Variants in FARP1 observed in about 807,000 individuals in gnomAD.
The protein encoded by FARP1 is FERM, ARH/RhoGEF and pleckstrin domain protein 1, also known as FERM, ARHGEF and pleckstrin domain-containing protein 1.
A neutral mutation model predicts 128.8 loss-of-function variants in FARP1; 52 were observed. The ratio of observed to expected loss-of-function variants is 0.40; its 90% CI spans 0.32 to 0.51. The LOEUF is 0.51. Among genes scored for constraint, FARP1 ranks in the 20% least tolerant of loss-of-function variants. The pLI is 0.45. For synonymous variants in FARP1, 580 were observed against 551.8 expected (o/e 1.05, Z -0.72); for missense variants, 1,333 against 1,367.9 (o/e 0.97, Z 0.40).
At chr13:98,248,082 G>A (rs1211540490) in intron 2 of FARP1, among the ~76,000 whole-genome samples, 2 of 151,962 alleles carry the variant, frequency 1.3e-5, no homozygotes, top group African/African-American at 4.8e-5. Context: ...CGGGTACCTC[G>A]GACCTGTCTT....
intron 3 of FARP1, among the ~76,000 whole-genome samples, chr13:98,348,443 T>C (rs1041566279): frequency 3.3e-5 from 5 of 152,252 alleles, no homozygotes; most frequent in African/African-American, 1.2e-4. Flanking sequence ...AGCCATTAGA[T>C]GGCCATGGGG....
rs1208152251 is a variant in FARP1, at chr13:98,238,623, T to C, written c.171+25210T>C. Among the ~76,000 whole-genome samples, 20 of 152,138 alleles carry C rather than the reference T, an allele frequency of 1.3e-4. No individual in the cohort carries two copies. In the East Asian group the frequency reaches 3.1e-3, roughly 24 times the overall value. On this transcript the variant is annotated intron_variant, in intron 2 of 26. Coordinates refer to ENST00000319562, the MANE Select transcript of FARP1 (RefSeq NM_005766.4). Reference sequence around the variant, plus strand: ...AGAGAGTGTGCAGGGAAACTCCCCTTTATAAAACTATCTGATCTCCTGAGA... The same window carrying C: ...AGAGAGTGTGCAGGGAAACTCCCCTCTATAAAACTATCTGATCTCCTGAGA...
intron 5 of FARP1, among the ~76,000 whole-genome samples, chr13:98,373,533 G>GACAGACACACAC (rs1349451618): frequency 6.9e-4 from 91 of 131,066 alleles, no homozygotes; most frequent in African/African-American, 1.9e-3. Context: ...CAGACAGACA[G>GACAGACACACAC]ACACACACAC....
At chr13:98,224,526 C>CAAAA (rs1203238924) in intron 2 of FARP1, among the ~76,000 whole-genome samples, 2 of 50,250 alleles carry the variant, frequency 4.0e-5, no homozygotes, top group Admixed American at 2.3e-4. Flanking sequence ...GACTCTGTCT[C>CAAAA]AAAAAAAAAA....
intron 2 of FARP1, among the ~76,000 whole-genome samples, chr13:98,337,538 C>CGT (rs60625244): frequency 0.12 from 16,149 of 131,816 alleles, 951 homozygotes; most frequent in Non-Finnish European, 0.14. Flanking sequence ...TCTGTGTAGC[C>CGT]GTGTGTGTGT....
intron 2 of FARP1, among the ~76,000 whole-genome samples, chr13:98,247,856 C>T (rs1383855320): frequency 1.3e-5 from 2 of 152,184 alleles, no homozygotes; most frequent in Non-Finnish European, 2.9e-5. Flanking sequence ...GCCACCAAGC[C>T]ACGGATGTGG....
At chr13:98,251,430 C>A (rs548331152) in intron 2 of FARP1, among the ~76,000 whole-genome samples, 1 of 152,328 alleles carries the variant, frequency 6.6e-6, no homozygotes, top group East Asian at 1.9e-4. Context: ...CGCCTGTAAT[C>A]CCAGCACTTT....
At chr13:98,370,107 T>C (rs1296278191) in intron 5 of FARP1, among the ~76,000 whole-genome samples, 5 of 152,200 alleles carry the variant, frequency 3.3e-5, no homozygotes, top group African/African-American at 1.2e-4. Context: ...GAGGATGTGA[T>C]AGAGGTGCCT....
intron 2 of FARP1, among the ~76,000 whole-genome samples, chr13:98,339,388 AGCAAGGGGGAAATCT>A (rs1887870513): frequency 6.6e-6 from 1 of 152,214 alleles, no homozygotes; most frequent in Non-Finnish European, 1.5e-5. Context: ...TCAGGAGAAC[AGCAAGGGGGAAATCT>A]GCCCCCATGA....
At chr13:98,231,657 T>C (rs957253274) in intron 2 of FARP1, among the ~76,000 whole-genome samples, 3 of 152,128 alleles carry the variant, frequency 2.0e-5, no homozygotes, top group African/African-American at 7.2e-5. Context: ...CAGGCTGGTC[T>C]CAAACTCCTG....
At chr13:98,338,971 G>C (rs916636572) in intron 2 of FARP1, 1 of 152,122 alleles carries the variant, frequency 6.6e-6, no homozygotes, top group African/African-American at 2.4e-5. Context: ...CCTGGTGTGC[G>C]TTGACACACT....
rs374047508 is a variant in FARP1 at position 98,367,924 on chromosome 13, CTCTT to C, written c.320-190_320-187del. Among the ~76,000 whole-genome samples, 38 of 152,296 alleles carry C rather than the reference CTCTT, an allele frequency of 2.5e-4. No individual in the cohort carries two copies. The East Asian group carries it at 4.4e-3, about 18-fold the overall frequency. ...CACAGTATTTTTTAAAAATGGATCT[CTCTT>C]TCCCCACAATATGGAAGTGTGAATT... On this transcript the variant is annotated intron_variant, in intron 4 of 26. Coordinates refer to ENST00000319562, the MANE Select transcript of FARP1 (RefSeq NM_005766.4).
intron 2 of FARP1, among the ~76,000 whole-genome samples, chr13:98,264,836 A>G (rs1198949827): frequency 1.3e-5 from 2 of 152,210 alleles, no homozygotes; most frequent in African/African-American, 4.8e-5. Flanking sequence ...TAGAATTACT[A>G]TTCGATAGTA....
intron 16 of FARP1, among the ~76,000 whole-genome samples, chr13:98,416,623 G>A (rs1258760262): frequency 1.3e-5 from 2 of 152,224 alleles, no homozygotes; most frequent in African/African-American, 4.8e-5. Flanking sequence ...CCTTGTGAAA[G>A]CAAGAACAGT....
At position 98,309,153 on chromosome 13, in the gene FARP1, CTTTTTTTTTTT is replaced by C. The variant is rs56030081; in HGVS notation, c.172-34589_172-34579del. Reference sequence around the variant, plus strand: ...TATATTAATATTAATTTTAAGAGGCCTTTTTTTTTTTTTTTTTTTTTTTTTTTTTTGGAGAC... The same window carrying C: ...TATATTAATATTAATTTTAAGAGGCCTTTTTTTTTTTTTTTTTTTGGAGAC... On this transcript the variant is annotated intron_variant, in intron 2 of 26. Transcript: ENST00000319562. Among the ~76,000 whole-genome samples, 456 of 89,604 alleles carry C rather than the reference CTTTTTTTTTTT, an allele frequency of 5.1e-3. 7 individuals are homozygous for C. The highest frequency in any genetic ancestry group is 0.018 in the African/African-American group (416 of 22,748). 58.8% of individuals were successfully genotyped at this position (89,604 alleles called of 152,430 possible).
chr13:98,343,650 G>A, intron 2 of FARP1, 112 bp from the exon 3 acceptor site: 1 of 757,120 alleles, frequency 1.3e-6, no homozygotes, highest in Non-Finnish European at 2.3e-6. Context: ...GCGGTGGCAA[G>A]CTCTGAAGGA....
intron 1 of FARP1, among the ~76,000 whole-genome samples, chr13:98,156,337 A>C (rs1876493066): frequency 1.3e-5 from 2 of 152,238 alleles, no homozygotes; most frequent in Non-Finnish European, 2.9e-5. Context: ...TAAGCATAAA[A>C]ACAAAGATAA....
intron 1 of FARP1, among the ~76,000 whole-genome samples, chr13:98,185,978 G>A (rs1489577772): frequency 2.0e-5 from 3 of 152,164 alleles, no homozygotes; most frequent in African/African-American, 4.8e-5. Flanking sequence ...GATTATAGGC[G>A]TGAGCCACCG....
intron 2 of FARP1, among the ~76,000 whole-genome samples, chr13:98,337,515 T>C (rs191029907): frequency 1.4e-3 from 217 of 150,884 alleles, no homozygotes; most frequent in African/African-American, 5.0e-3. Flanking sequence ...TTTTGCTTTC[T>C]TGTGTATAGT....
Sources: allele counts gnomAD v4.1 joint callset (sites outside exome capture counted in the v4.1 genomes callset), GRCh38; gene constraint gnomAD v4.1.1; transcripts MANE v1.5; gene names NCBI Gene and HGNC (gene_info 2026-07-23, HGNC 2026-07-21).